G6PD: variants seen among roughly 807,000 people sequenced by gnomAD.
The protein encoded by G6PD is glucose-6-phosphate dehydrogenase.
G6PD carries 2 observed loss-of-function variants against 38.2 expected under a neutral mutation model. The ratio of observed to expected loss-of-function variants is 0.05; its 90% CI spans 0.02 to 0.16. The LOEUF is 0.16. Among genes scored for constraint, G6PD ranks in the 10% least tolerant of loss-of-function variants. The pLI is 1.00. For synonymous variants in G6PD, 188 were observed against 196.0 expected (o/e 0.96, Z 0.34); for missense variants, 310 against 471.6 (o/e 0.66, Z 3.17).
intron 8 of G6PD, 191 bp downstream of exon 8, chrX:154,533,385 G>C: frequency 1.9e-6 from 1 of 526,523 alleles, no homozygotes. Context: ...TGACTGTCAG[G>C]CCTGGGACAT....
At position 154,534,128 on chromosome X, in the gene G6PD, T is replaced by C; in HGVS notation, c.677A>G (p.Asn226Ser). Residue 226 changes from asparagine (N) to serine (S), a missense_variant, in exon 7 of 13, where the codon AAC becomes AGC. Coordinates refer to ENST00000393562, the MANE Select transcript of G6PD (RefSeq NM_001360016.2). Reference protein sequence around the residue: ...FANRIFGPIWNRDNIACVILT... With the variant: ...FANRIFGPIWSRDNIACVILT... ...GATAACGCAGGCGATGTTGTCCCGG[T>C]TCCAGATGGGGCCGAAGATCCTGTT... The C allele has an allele frequency of 8.3e-7, 1 of 1,211,893 alleles. No homozygotes were observed. Among genetic ancestry groups the C allele is most frequent in the Non-Finnish European group, 1.1e-6 (1 of 895,495 alleles).
Position 154,534,055 on chromosome X carries a change from G to A in G6PD, c.750C>T (p.Phe250=), listed in dbSNP as rs140496395. The change falls in exon 7 of 13, where the codon TTC becomes TTT. Residue 250 remains phenylalanine (F), a synonymous_variant. Transcript: ENST00000393562. ...PFGTEGRGGY[F]DEFGIIRDVM... ...CTCACCGGATGATCCCAAATTCATCGAAATAGCCCCCGCGACCCTCAGTGC... is the reference window on the plus strand; with the variant it reads ...CTCACCGGATGATCCCAAATTCATCAAAATAGCCCCCGCGACCCTCAGTGC... 2.6e-5 allele frequency: 31 copies of A among 1,209,979 alleles called. No individual in the cohort carries two copies. Among genetic ancestry groups the A allele is most frequent in the South Asian group, 1.4e-4 (8 of 56,860 alleles).
At chrX:154,543,543 G>A (rs375150149) in intron 2 of G6PD, among the ~76,000 whole-genome samples, 2 of 112,243 alleles carry the variant, frequency 1.8e-5, no homozygotes, top group South Asian at 3.6e-4. Flanking sequence ...GGCCTGGGTT[G>A]CTCTGTTGCA....
At position 154,536,054 on chromosome X, in the gene G6PD, A is replaced by G; in HGVS notation, c.159-9T>C. ...CATCCCGGAACAGCCACCTGAGGGCAGGGCACAGCTGTAACCAGTGCGGGC... is the reference window on the plus strand; with the variant it reads ...CATCCCGGAACAGCCACCTGAGGGCGGGGCACAGCTGTAACCAGTGCGGGC... On this transcript the variant is annotated splice_polypyrimidine_tract_variant and intron_variant, in intron 3 of 12. Coordinates refer to ENST00000393562, the MANE Select transcript of G6PD (RefSeq NM_001360016.2). 8.3e-7 allele frequency: 1 copy of G among 1,208,467 alleles called. No individual in the cohort carries two copies. The highest frequency in any genetic ancestry group is 1.1e-6 in the Non-Finnish European group (1 of 892,067).
chrX:154,535,285 C>T lies in G6PD; in HGVS notation c.368G>A (p.Ser123Asn). 8.3e-7 allele frequency: 1 copy of T among 1,212,024 alleles called. No individual in the cohort carries two copies. Among genetic ancestry groups the T allele is most frequent in the African/African-American group, 1.7e-5 (1 of 57,892 alleles). Reference protein sequence around the residue: ...DDAASYQRLNSHMNALHLGSQ... With the variant: ...DDAASYQRLNNHMNALHLGSQ... ...CCCCAGGTGGAGGGCATTCATGTGG[C>T]TGTTGAGGCGCTGGTAGGAGGCTGC... The change falls in exon 5 of 13, where the codon AGC becomes AAC. Residue 123 changes from serine (S) to asparagine (N), a missense_variant. By Grantham distance (46) the Ser-to-Asn change is conservative. Coordinates refer to ENST00000393562, the MANE Select transcript of G6PD (RefSeq NM_001360016.2).
intron 7 of G6PD, 105 bp downstream of exon 7, chrX:154,533,930 T>C: frequency 1.7e-6 from 2 of 1,204,934 alleles, no homozygotes; most frequent in South Asian, 1.8e-5. Context: ...GGTTTTGAAC[T>C]GCAGGGTGAG....
intron 11 of G6PD, 39 bp downstream of exon 11, chrX:154,532,347 T>C (rs1220924712): frequency 8.3e-6 from 10 of 1,207,560 alleles, no homozygotes; most frequent in Non-Finnish European, 1.0e-5. Context: ...GGCCACCCCA[T>C]AGCCCACAGG....
In G6PD at chrX:154,546,837, G is replaced by A. The variant is rs781784247; in HGVS notation, c.-57C>T. The A allele has an allele frequency of 7.0e-6, 8 of 1,143,929 alleles. No individual in the cohort carries two copies. Among genetic ancestry groups the A allele is most frequent in the South Asian group, 2.0e-5 (1 of 50,993 alleles). The allele number at this position is 1,143,929 out of a possible 1,213,427, so 94.3% of individuals were successfully genotyped here. On this transcript the variant is annotated 5_prime_UTR_variant, in exon 1 of 13. Transcript: ENST00000393562. ...CCGCGCTCGCAGCCCCGAAGTGTAC[G>A]ACCGTTTCCGGGGGCTGAGCCCCGC...
intron 2 of G6PD, among the ~76,000 whole-genome samples, chrX:154,545,156 C>T (rs782631466): frequency 9.0e-6 from 1 of 111,431 alleles, no homozygotes; most frequent in African/African-American, 3.3e-5. Context: ...ACCACCCCTC[C>T]CTCCCCTCCC....
intron 1 of G6PD, among the ~76,000 whole-genome samples, 183 bp from the exon 2 acceptor site, chrX:154,546,346 C>T (rs782413778): frequency 2.7e-5 from 3 of 112,308 alleles, no homozygotes; most frequent in Admixed American, 9.4e-5. Context: ...GCTCTGGGCT[C>T]CAGCCACTCT....
At chrX:154,546,212 G>A in intron 1 of G6PD, 49 bp from the exon 2 acceptor site, 1 of 1,202,812 alleles carries the variant, frequency 8.3e-7, no homozygotes, top group East Asian at 3.0e-5. Flanking sequence ...GGAGAGCATT[G>A]AGAAGTTAGC....
At chrX:154,536,218 G>C in intron 2 of G6PD, 40 bp from the exon 3 acceptor site, 1 of 1,178,625 alleles carries the variant, frequency 8.5e-7, no homozygotes, top group East Asian at 3.0e-5. Flanking sequence ...GAAGTGGCTG[G>C]GGACACGACC....
At chrX:154,546,440 C>T (rs1330755106) in intron 1 of G6PD, among the ~76,000 whole-genome samples, 1 of 112,296 alleles carries the variant, frequency 8.9e-6, no homozygotes, top group Non-Finnish European at 1.9e-5. Flanking sequence ...CAATTCTGGA[C>T]AACCGAGTAA....
At chrX:154,535,463 G>A in intron 4 of G6PD, 78 bp from the exon 5 acceptor site, 1 of 936,829 alleles carries the variant, frequency 1.1e-6, no homozygotes, top group South Asian at 2.1e-5. Context: ...TGCCCCAGGG[G>A]AGTGGAGGGT....
rs782256985 is a variant in G6PD, at chrX:154,533,569, C to T, written c.864+7G>A. On this transcript the variant is annotated splice_region_variant and intron_variant, in intron 8 of 12. Transcript: ENST00000393562. ...CATGCTCCTGGGGACTGGGGTGCACCCCCTACCTTCTCATCACGGACGTCA... is the reference window on the plus strand; with the variant it reads ...CATGCTCCTGGGGACTGGGGTGCACTCCCTACCTTCTCATCACGGACGTCA... 11 of 1,210,415 alleles carry T rather than the reference C, an allele frequency of 9.1e-6. No homozygotes were observed. The African/African-American group carries it at 1.7e-4, about 19-fold the overall frequency.
At chrX:154,543,869 A>AT (rs1306269568) in intron 2 of G6PD, among the ~76,000 whole-genome samples, 1,500 of 83,632 alleles carry the variant, frequency 0.018, 13 homozygotes, top group African/African-American at 0.031. Context: ...AATTTTTGTT[A>AT]TTTTTTTTTT....
At position 154,532,770 on chromosome X, in the gene G6PD, G is replaced by A. The variant is rs375809290; in HGVS notation, c.1084C>T (p.Leu362=). The stretch of plus-strand genomic sequence containing the variant: ...CTCACCTCGGCCTTGCGCTCGTTCA[G>A]GGCCTTGCCGCAGCGCAGGATGAAG... ...VPFILRCGKA[L]NERKAEVRLQ... The change falls in exon 10 of 13, where the codon CTG becomes TTG. Residue 362 remains leucine, a synonymous_variant. Transcript: ENST00000393562. The A allele has an allele frequency of 3.2e-5, 39 of 1,209,790 alleles. No homozygotes were observed. Among genetic ancestry groups the A allele is most frequent in the Non-Finnish European group, 4.4e-5 (39 of 894,413 alleles).
In G6PD at chrX:154,532,269, C is replaced by T. The variant is rs72554665; in HGVS notation, c.1376G>A (p.Arg459His). The change falls in exon 12 of 13, where the codon CGT (arginine) becomes CAT (histidine). Residue 459 changes from arginine (R) to histidine (H), a missense_variant. Around this residue, in one of 4 missense-constraint regions of G6PD, gnomAD observed 168 missense variants for 309.2 expected, o/e 0.54. Transcript: ENST00000393562. ...TGGGGTGAAAATACGCCAGGCCTCA[C>T]GGAGCTCGTCGCTGAGGGGACATGG... The part of the protein sequence containing the change: ...QMHFVRSDEL[R>H]EAWRIFTPLL... The T allele has an allele frequency of 9.1e-6, 11 of 1,211,368 alleles. No homozygotes were observed. Among genetic ancestry groups the T allele is most frequent in the Admixed American group, 4.3e-5 (2 of 46,043 alleles).
At chrX:154,545,866 G>A in intron 2 of G6PD, 170 bp downstream of exon 2, 1 of 476,644 alleles carries the variant, frequency 2.1e-6, no homozygotes, top group Non-Finnish European at 3.5e-6. Flanking sequence ...AGTCTTGCAA[G>A]TGCATATGCA....
Sources: gnomAD v4.1 joint callset for allele counts (sites outside exome capture counted in the v4.1 genomes callset) on GRCh38, gnomAD v4.1.1 for gene constraint, gnomAD v4.1.1 regional missense constraint, MANE v1.5 for transcripts, NCBI Gene and HGNC (gene_info 2026-07-23, HGNC 2026-07-21) for gene names.